The following FHIP1A variants were observed in gnomAD, a reference collection of about 807,000 sequenced individuals.
FHIP1A encodes FHF complex subunit HOOK interacting protein 1A, also known as FHF complex subunit HOOK-interacting protein 1A.
FHIP1A carries 61 observed loss-of-function variants against 88.6 expected under a neutral mutation model. The observed-to-expected ratio is 0.69, with a 90% CI of 0.56 to 0.85. FHIP1A has a LOEUF of 0.85. Ranked by LOEUF, FHIP1A falls within the 40% of genes least tolerant of loss-of-function variation. FHIP1A has a pLI of 0.00. For synonymous variants in FHIP1A, 478 were observed against 496.0 expected (o/e 0.96, Z 0.48); for missense variants, 1,154 against 1,273.5 (o/e 0.91, Z 1.43).
intron 2 of FHIP1A, among the ~76,000 whole-genome samples, chr4:151,479,843 A>T (rs1561513785): frequency 6.6e-6 from 1 of 152,092 alleles, no homozygotes; most frequent in Non-Finnish European, 1.5e-5. Context: ...GTCTAAATTC[A>T]CTGAATTTAT....
At chr4:151,620,872 C>T (rs1440584591) in intron 7 of FHIP1A, among the ~76,000 whole-genome samples, 1 of 139,040 alleles carries the variant, frequency 7.2e-6, no homozygotes, top group Non-Finnish European at 1.6e-5. Flanking sequence ...CCCTACACAC[C>T]GAGAATAAAA....
intron 13 of FHIP1A, among the ~76,000 whole-genome samples, chr4:151,658,616 A>G (rs1737338445): frequency 6.6e-6 from 1 of 152,190 alleles, no homozygotes; most frequent in Non-Finnish European, 1.5e-5. Flanking sequence ...GGCCAAAGCA[A>G]GACAGAGGGC....
intron 1 of FHIP1A, among the ~76,000 whole-genome samples, chr4:151,428,316 T>A (rs1282958010): frequency 6.6e-6 from 1 of 152,162 alleles, no homozygotes; most frequent in Non-Finnish European, 1.5e-5. Context: ...CCCTAACATT[T>A]GTATGATGGT....
chr4:151,547,599 G>C (rs2083916816), intron 3 of FHIP1A, among the ~76,000 whole-genome samples: 1 of 152,196 alleles, frequency 6.6e-6, no homozygotes, highest in South Asian at 2.1e-4. Context: ...GCTCACTTTT[G>C]TTAGTATTTG....
chr4:151,530,188 A>G (rs1292663623), intron 3 of FHIP1A, among the ~76,000 whole-genome samples: 1 of 152,160 alleles, frequency 6.6e-6, no homozygotes, highest in Non-Finnish European at 1.5e-5. Flanking sequence ...TCTCCTCCTG[A>G]GTTGGAGAAC....
At chr4:151,548,922 G>T (rs1732613635) in intron 3 of FHIP1A, among the ~76,000 whole-genome samples, 1 of 152,214 alleles carries the variant, frequency 6.6e-6, no homozygotes, top group African/African-American at 2.4e-5. Flanking sequence ...CAGAAAGGGT[G>T]CCCCTCGCAG....
chr4:151,537,858 G>A (rs1221999783), intron 3 of FHIP1A, among the ~76,000 whole-genome samples: 1 of 152,142 alleles, frequency 6.6e-6, no homozygotes, highest in African/African-American at 2.4e-5. Flanking sequence ...ATTTCAGGCT[G>A]TCAGAGCTTT....
Position 151,669,506 on chromosome 4 carries a change from GA to G in FHIP1A, c.*6754del, listed in dbSNP as rs1737784856. Among the ~76,000 whole-genome samples the G allele has an allele frequency of 6.6e-6, 1 of 152,174 alleles. No homozygotes were observed. The highest frequency in any genetic ancestry group is 1.5e-5 in the Non-Finnish European group (1 of 68,018). ...GAAGCCAGAACTTTTGGTGAAAACA[GA>G]ATTTATAAAATGAAACTGAACCTTC... On this transcript the variant is annotated 3_prime_UTR_variant, in exon 14 of 14. Coordinates refer to ENST00000435205, the MANE Select transcript of FHIP1A (RefSeq NM_001109977.3).
chr4:151,653,354 G>GTCTC (rs10654685), intron 11 of FHIP1A, among the ~76,000 whole-genome samples: 5 of 151,834 alleles, frequency 3.3e-5, no homozygotes, highest in African/African-American at 9.7e-5. Flanking sequence ...CTCTGTGTGT[G>GTCTC]TGTCTCTCTC....
chr4:151,636,536 G>A (rs1052158794), intron 8 of FHIP1A, among the ~76,000 whole-genome samples: 2 of 152,000 alleles, frequency 1.3e-5, no homozygotes, highest in Non-Finnish European at 2.9e-5. Flanking sequence ...TAGAATGAAT[G>A]AGTCTAGTAA....
chr4:151,588,344 T>A (rs1427652906), intron 6 of FHIP1A, among the ~76,000 whole-genome samples: 2 of 152,288 alleles, frequency 1.3e-5, no homozygotes, highest in African/African-American at 2.4e-5. Flanking sequence ...AGGAAATACA[T>A]ATTTAAAATG....
chr4:151,515,514 A>G (rs1297797845), intron 3 of FHIP1A, among the ~76,000 whole-genome samples: 6 of 152,088 alleles, frequency 3.9e-5, no homozygotes, highest in African/African-American at 1.2e-4. Context: ...AAGTCAAATT[A>G]TCCCTGTTTG....
In FHIP1A at chr4:151,412,554, TTTTC is replaced by T. The variant is rs1239719542; in HGVS notation, c.-356+3110_-356+3113del. Among the ~76,000 whole-genome samples the T allele has an allele frequency of 2.3e-3, 304 of 132,196 alleles. 2 individuals are homozygous for T. The highest frequency in any genetic ancestry group is 0.016 in the East Asian group (75 of 4,676). 86.7% of individuals were successfully genotyped at this position (132,196 alleles called of 152,430 possible). ...GGTTGGATGTGAAATGGGCTTTTCT[TTTTC>T]TTTCTTTCTTTCTTTCTTTCCTTTC... On this transcript the variant is annotated intron_variant, in intron 1 of 13. Coordinates refer to ENST00000435205, the MANE Select transcript of FHIP1A (RefSeq NM_001109977.3).
chr4:151,609,012 T>G (rs1735190820), intron 7 of FHIP1A, among the ~76,000 whole-genome samples: 1 of 152,198 alleles, frequency 6.6e-6, no homozygotes, highest in Admixed American at 6.5e-5. Flanking sequence ...TTGTTCAGGA[T>G]GCTGGCCAAG....
intron 1 of FHIP1A, among the ~76,000 whole-genome samples, chr4:151,413,970 G>A (rs6855493): frequency 0.02 from 2,970 of 152,172 alleles, 96 homozygotes; most frequent in African/African-American, 0.067. Flanking sequence ...CCTTTCCCAG[G>A]CAGGTAGAAA....
chr4:151,669,083 G>A lies in FHIP1A; in HGVS notation c.*6329G>A, dbSNP rs947669031. ...AGAATGTAAAATTGTATTTCACTGAGGCCCCTTTATAAGCAGAGCCATCTT... is the reference window on the plus strand; with the variant it reads ...AGAATGTAAAATTGTATTTCACTGAAGCCCCTTTATAAGCAGAGCCATCTT... On this transcript the variant is annotated 3_prime_UTR_variant, in exon 14 of 14. Coordinates refer to ENST00000435205, the MANE Select transcript of FHIP1A (RefSeq NM_001109977.3). Among the ~76,000 whole-genome samples, 2 of 152,210 alleles carry A rather than the reference G, an allele frequency of 1.3e-5. No individual in the cohort carries two copies. Among genetic ancestry groups the A allele is most frequent in the Non-Finnish European group, 2.9e-5 (2 of 68,050 alleles).
At chr4:151,614,213 A>T (rs1316678401) in intron 7 of FHIP1A, among the ~76,000 whole-genome samples, 1 of 152,046 alleles carries the variant, frequency 6.6e-6, no homozygotes, top group Admixed American at 6.5e-5. Context: ...TCATGCCTCT[A>T]ATCCCAGCAC....
intron 2 of FHIP1A, among the ~76,000 whole-genome samples, chr4:151,463,092 G>A (rs537994622): frequency 6.6e-6 from 1 of 152,258 alleles, no homozygotes; most frequent in South Asian, 2.1e-4. Flanking sequence ...ATTCATCATT[G>A]CCAAAGCAAC....
rs1561511965 is a variant in FHIP1A, at chr4:151,475,865, G to GTTTTT, written c.-247-6659_-247-6658insTTTTT. Among the ~76,000 whole-genome samples the GTTTTT allele has an allele frequency of 4.1e-5, 6 of 147,538 alleles. 1 individual carries two copies. The highest frequency in any genetic ancestry group is 6.0e-5 in the Non-Finnish European group (4 of 66,906). On this transcript the variant is annotated intron_variant, in intron 2 of 13. Coordinates refer to ENST00000435205, the MANE Select transcript of FHIP1A (RefSeq NM_001109977.3). ...TTGATAAAATTCAATCTCTATTATC[G>GTTTTT]ATTTTTTTTTTTTTTGAGACAGAGT... is the stretch of plus-strand genomic sequence containing the variant.
Sources: gnomAD v4.1 joint callset for allele counts (sites outside exome capture counted in the v4.1 genomes callset) on GRCh38, gnomAD v4.1.1 for gene constraint, MANE v1.5 for transcripts, NCBI Gene and HGNC (gene_info 2026-07-23, HGNC 2026-07-21) for gene names.